The following XXYLT1 variants were observed in gnomAD, a reference collection of about 807,000 sequenced individuals.
The protein encoded by XXYLT1 is xyloside xylosyltransferase 1, also known as UDP-xylose:alpha-xyloside alpha-1,3-xylosyltransferase.
XXYLT1 carries 20 observed loss-of-function variants against 28.9 expected under a neutral mutation model. The ratio of observed to expected loss-of-function variants is 0.69; its 90% CI spans 0.49 to 1.00. The LOEUF is 1.00. Among genes scored for constraint, XXYLT1 ranks in the 50% least tolerant of loss-of-function variants. The pLI is 0.00. For missense variants in XXYLT1, 542 were observed against 560.1 expected, an observed-to-expected ratio of 0.97 and a Z score of 0.33; for synonymous variants, 257 against 253.8, an observed-to-expected ratio of 1.01 and a Z score of -0.12.
intron 3 of XXYLT1, among the ~76,000 whole-genome samples, chr3:195,119,869 G>C (rs1466599008): frequency 8.0e-6 from 1 of 125,146 alleles, no homozygotes; most frequent in Non-Finnish European, 1.6e-5. Context: ...TTCTGCAGTT[G>C]AAACAACAAG....
At chr3:195,179,573 G>T (rs1266149903) in intron 2 of XXYLT1, among the ~76,000 whole-genome samples, 1 of 152,114 alleles carries the variant, frequency 6.6e-6, no homozygotes, top group Non-Finnish European at 1.5e-5. Flanking sequence ...GAAGAGGCCT[G>T]CGTGTGTGGA....
chr3:195,180,444 A>C lies in XXYLT1; in HGVS notation c.653-23863T>G. On this transcript the variant is annotated intron_variant, in intron 2 of 3. Coordinates refer to ENST00000310380, the MANE Select transcript of XXYLT1 (RefSeq NM_152531.5). This position sits in a 1 kb window ranked among gnomAD's most constrained non-coding sequence, Gnocchi z 5.8. Reference sequence around the variant, plus strand: ...CGAGCTGTTTCCTGCTGCTTTTCTCATTTCATGAACTTCTTTTGAACAATT... The same window carrying C: ...CGAGCTGTTTCCTGCTGCTTTTCTCCTTTCATGAACTTCTTTTGAACAATT... 1.0e-6 allele frequency: 1 copy of C among 985,378 alleles called. No homozygotes were observed. Among genetic ancestry groups the C allele is most frequent in the Non-Finnish European group, 1.2e-6 (1 of 830,068 alleles). 61.0% of individuals were successfully genotyped at this position (985,378 alleles called of 1,614,324 possible).
At chr3:195,156,419 G>A in intron 3 of XXYLT1, 30 bp downstream of exon 3, 1 of 1,607,970 alleles carries the variant, frequency 6.2e-7, no homozygotes, top group South Asian at 1.1e-5. Context: ...GAGGGGTCGT[G>A]GAGGCGGCCC....
chr3:195,254,895 T>TA (rs1725418698), intron 1 of XXYLT1, among the ~76,000 whole-genome samples: 1 of 152,120 alleles, frequency 6.6e-6, no homozygotes, highest in African/African-American at 2.4e-5. Flanking sequence ...TCAGAGAATG[T>TA]AAACAACTAC....
At chr3:195,245,302 A>G (rs1369962105) in intron 1 of XXYLT1, among the ~76,000 whole-genome samples, 7 of 150,766 alleles carry the variant, frequency 4.6e-5, no homozygotes, top group Non-Finnish European at 1.0e-4. Context: ...CTGGGATTAC[A>G]GGCACGCACC....
chr3:195,157,242 CAAAAAAA>C lies in XXYLT1; in HGVS notation c.653-668_653-662del, dbSNP rs34312884. Among the ~76,000 whole-genome samples the C allele has an allele frequency of 4.7e-3, 350 of 73,832 alleles. 2 individuals are homozygous for C. The highest frequency in any genetic ancestry group is 0.019 in the African/African-American group (339 of 17,794). 48.4% of individuals were successfully genotyped at this position (73,832 alleles called of 152,430 possible). On this transcript the variant is annotated intron_variant, in intron 2 of 3. Transcript: ENST00000310380. The stretch of plus-strand genomic sequence containing the variant: ...TGGGCAACAGAGCAAGGCGCCATCT[CAAAAAAA>C]AAAAAAAAAAAAAAAAACCCTCAAA...
intron 3 of XXYLT1, among the ~76,000 whole-genome samples, chr3:195,110,270 TGG>T (rs1717493564): frequency 3.2e-5 from 1 of 30,910 alleles, no homozygotes; most frequent in Non-Finnish European, 6.8e-5. Flanking sequence ...TGTGGGTGTG[TGG>T]TGTGTGTGGG....
rs1388445514 is a variant in XXYLT1 at position 195,209,465 on chromosome 3, C to T, written c.652+17244G>A. On this transcript the variant is annotated intron_variant, in intron 2 of 3. Coordinates refer to ENST00000310380, the MANE Select transcript of XXYLT1 (RefSeq NM_152531.5). The surrounding 1 kb of genome is among the most constrained non-coding windows in gnomAD (Gnocchi z 5.0). ...CCGGCTCTTGCCATCTCAGCCACAT[C>T]AGGCCCGACTTAGGACCCTCTGGGA... 6.6e-6 allele frequency: 1 copy of T among 152,404 alleles called. No individual in the cohort carries two copies. Among genetic ancestry groups the T allele is most frequent in the Non-Finnish European group, 1.5e-5 (1 of 68,180 alleles). 9.4% of individuals were successfully genotyped at this position (152,404 alleles called of 1,614,324 possible). A position where few individuals can be genotyped will look rare whatever the true frequency, so the allele number is the denominator to read the frequency against.
intron 1 of XXYLT1, among the ~76,000 whole-genome samples, chr3:195,238,190 A>G (rs1724634405): frequency 6.6e-6 from 1 of 152,064 alleles, no homozygotes; most frequent in Admixed American, 6.6e-5. Context: ...TGAACCAGGC[A>G]GTCTCCCGTC....
intron 2 of XXYLT1, among the ~76,000 whole-genome samples, chr3:195,216,632 T>G (rs1267492185): frequency 6.7e-6 from 1 of 149,654 alleles, no homozygotes; most frequent in African/African-American, 2.4e-5. Context: ...AATCTCTGAA[T>G]AGACCAATAA....
intron 3 of XXYLT1, among the ~76,000 whole-genome samples, chr3:195,146,019 T>C (rs1211259501): frequency 6.6e-6 from 1 of 152,210 alleles, no homozygotes; most frequent in Non-Finnish European, 1.5e-5. Flanking sequence ...CAGGCTCAGA[T>C]TAAAAGTTTG....
chr3:195,165,650 C>A (rs1047715006), intron 2 of XXYLT1, among the ~76,000 whole-genome samples: 1 of 152,170 alleles, frequency 6.6e-6, no homozygotes, highest in Non-Finnish European at 1.5e-5. Context: ...TGCAAACTGA[C>A]TAGCCAATGG....
At chr3:195,154,595 G>A (rs542014940) in intron 3 of XXYLT1, among the ~76,000 whole-genome samples, 3 of 152,222 alleles carry the variant, frequency 2.0e-5, no homozygotes, top group South Asian at 2.1e-4. Flanking sequence ...AACACACTGC[G>A]CTCCCTCCCA....
At chr3:195,075,546 C>T (rs1049549461) in intron 3 of XXYLT1, among the ~76,000 whole-genome samples, 6 of 152,226 alleles carry the variant, frequency 3.9e-5, no homozygotes, top group African/African-American at 9.7e-5. Flanking sequence ...TGTGGTGAGG[C>T]GAGGCAGCAC....
intron 3 of XXYLT1, among the ~76,000 whole-genome samples, chr3:195,106,204 C>G (rs558354490): frequency 2.0e-5 from 3 of 152,162 alleles, no homozygotes; most frequent in Non-Finnish European, 4.4e-5. Context: ...CACTGCCATT[C>G]TGTCATTCAC....
At chr3:195,268,942 G>A (rs968031640) in intron 1 of XXYLT1, among the ~76,000 whole-genome samples, 2 of 152,232 alleles carry the variant, frequency 1.3e-5, no homozygotes, top group South Asian at 2.1e-4. Flanking sequence ...TACAGTCACA[G>A]CACCAGGGAA....
At chr3:195,088,527 C>T (rs1251444512) in intron 3 of XXYLT1, among the ~76,000 whole-genome samples, 3 of 127,964 alleles carry the variant, frequency 2.3e-5, no homozygotes, top group Non-Finnish European at 3.4e-5. Context: ...CCCATCTGTA[C>T]ATCACCATCA....
At chr3:195,204,354 A>AG (rs973736350) in intron 2 of XXYLT1, among the ~76,000 whole-genome samples, 9 of 151,422 alleles carry the variant, frequency 5.9e-5, no homozygotes, top group South Asian at 2.1e-4. Flanking sequence ...AAAAAAAAAA[A>AG]AGAGAGAGAG....
intron 2 of XXYLT1, among the ~76,000 whole-genome samples, chr3:195,161,231 G>A (rs928447378): frequency 6.6e-6 from 1 of 152,108 alleles, no homozygotes; most frequent in Non-Finnish European, 1.5e-5. Flanking sequence ...AGAGACTTTC[G>A]GTAATTTGTT....
Sources: allele counts gnomAD v4.1 joint callset (sites outside exome capture counted in the v4.1 genomes callset), GRCh38; gene constraint gnomAD v4.1.1; non-coding constraint Gnocchi (gnomAD v3.1); transcripts MANE v1.5; gene names NCBI Gene and HGNC (gene_info 2026-07-23, HGNC 2026-07-21).